Variants in CSMD1 observed in about 807,000 individuals in gnomAD.
The protein encoded by CSMD1 is CUB and Sushi multiple domains 1.
A neutral mutation model predicts 417.5 loss-of-function variants in CSMD1; 213 were observed. The observed-to-expected ratio is 0.51, with a 90% CI of 0.46 to 0.57. CSMD1 has a LOEUF of 0.57. Among genes scored for constraint, CSMD1 ranks in the 20% least tolerant of loss-of-function variants. The pLI is 0.00. For missense variants in CSMD1, 6,923 were observed against 4,529.7 expected (o/e 1.53, Z -15.17); for synonymous variants, 2,862 against 1,736.8 (o/e 1.65, Z -16.11).
intron 1 of CSMD1, among the ~76,000 whole-genome samples, chr8:4,849,137 C>G (rs74646723): frequency 6.6e-6 from 1 of 151,906 alleles, no homozygotes; most frequent in Non-Finnish European, 1.5e-5. Context: ...GGCTAATGTG[C>G]GTTTGTGTCT....
intron 1 of CSMD1, among the ~76,000 whole-genome samples, chr8:4,686,510 G>C (rs186150091): frequency 2.1e-4 from 32 of 152,182 alleles, no homozygotes; most frequent in Non-Finnish European, 4.1e-4. Flanking sequence ...CTGAAAACAC[G>C]GGAGCACAGC....
chr8:4,834,432 G>C (rs954023822), intron 1 of CSMD1, among the ~76,000 whole-genome samples: 2 of 152,282 alleles, frequency 1.3e-5, no homozygotes, highest in East Asian at 3.9e-4. Context: ...AAAAAGCAAA[G>C]AGGATTGAGT....
intron 3 of CSMD1, among the ~76,000 whole-genome samples, chr8:4,083,667 T>G (rs1800264410): frequency 6.6e-6 from 1 of 152,132 alleles, no homozygotes; most frequent in African/African-American, 2.4e-5. Flanking sequence ...GATCCCTTCC[T>G]TACACCTTAT....
intron 1 of CSMD1, among the ~76,000 whole-genome samples, chr8:4,871,638 A>G (rs1358002834): frequency 2.0e-5 from 3 of 152,148 alleles, no homozygotes; most frequent in African/African-American, 7.3e-5. Flanking sequence ...TAACCCAGAT[A>G]GCAAACAACT....
intron 54 of CSMD1, among the ~76,000 whole-genome samples, chr8:2,984,219 C>A (rs1805659510): frequency 6.6e-6 from 1 of 152,190 alleles, no homozygotes; most frequent in Non-Finnish European, 1.5e-5. Flanking sequence ...CCACGTCTGT[C>A]AAATTCTGCT....
intron 7 of CSMD1, among the ~76,000 whole-genome samples, chr8:3,699,175 G>A (rs562724107): frequency 3.3e-5 from 5 of 152,298 alleles, no homozygotes; most frequent in South Asian, 2.1e-4. Flanking sequence ...AGGAAAATTA[G>A]TACATTACAC....
At chr8:4,182,371 ATAT>A (rs1798428474) in intron 3 of CSMD1, among the ~76,000 whole-genome samples, 1 of 152,128 alleles carries the variant, frequency 6.6e-6, no homozygotes, top group Admixed American at 6.6e-5. Context: ...TACCCAAAGT[ATAT>A]TATCTTTTAA....
intron 2 of CSMD1, among the ~76,000 whole-genome samples, chr8:4,493,298 G>C (rs1028335939): frequency 1.3e-5 from 2 of 151,764 alleles, no homozygotes; most frequent in African/African-American, 4.9e-5. Flanking sequence ...AAAATCCTAA[G>C]AGAGAGAGAG....
Position 4,013,748 on chromosome 8 carries a change from T to C in CSMD1, c.611-15638A>G, listed in dbSNP as rs184403124. On this transcript the variant is annotated intron_variant, in intron 4 of 69. Transcript: ENST00000635120. The stretch of plus-strand genomic sequence containing the variant: ...TGTTGGCGAACTATAGCTTGTGGGT[T>C]ACATTCAGTCCAGTATCTGGTTTTA... Among the ~76,000 whole-genome samples the C allele has an allele frequency of 3.5e-4, 53 of 152,360 alleles. No homozygotes were observed. In the Middle Eastern group the frequency reaches 0.017, roughly 49 times the overall value.
Position 3,926,096 on chromosome 8 carries a change from C to CACACACACACACCAT in CSMD1, c.818+71806_818+71807insATGGTGTGTGTGTGT, listed in dbSNP as rs1809683477. Among the ~76,000 whole-genome samples the CACACACACACACCAT allele has an allele frequency of 3.7e-5, 3 of 81,142 alleles. 1 individual carries two copies. The highest frequency in any genetic ancestry group is 1.6e-4 in the African/African-American group (3 of 18,878). The allele number at this position is 81,142 out of a possible 152,430, so 53.2% of individuals were successfully genotyped here. A position where few individuals can be genotyped will look rare whatever the true frequency, so the allele number is the denominator to read the frequency against. The stretch of plus-strand genomic sequence containing the variant: ...CACAAACACCATACACACACACACA[C>CACACACACACACCAT]ACACACACACACACACACACACACA... On this transcript the variant is annotated intron_variant, in intron 5 of 69. Transcript: ENST00000635120.
At chr8:3,800,740 T>C (rs1800409077) in intron 5 of CSMD1, among the ~76,000 whole-genome samples, 1 of 152,048 alleles carries the variant, frequency 6.6e-6, no homozygotes. Flanking sequence ...AAAAGATTAG[T>C]TTTGTTGAGG....
At chr8:3,894,347 C>T (rs115052488) in intron 5 of CSMD1, among the ~76,000 whole-genome samples, 78 of 152,130 alleles carry the variant, frequency 5.1e-4, no homozygotes, top group African/African-American at 1.5e-3. Context: ...TTTTCTATCA[C>T]GAGGATTAAA....
At chr8:4,816,813 G>A (rs78745241) in intron 1 of CSMD1, among the ~76,000 whole-genome samples, 5 of 152,132 alleles carry the variant, frequency 3.3e-5, no homozygotes, top group Admixed American at 3.3e-4. Context: ...ATGTCACAGA[G>A]CCAGAACTGA....
chr8:4,070,768 T>G (rs1046434137), intron 3 of CSMD1, among the ~76,000 whole-genome samples: 2 of 152,218 alleles, frequency 1.3e-5, no homozygotes, highest in Non-Finnish European at 2.9e-5. Context: ...AGCCTGTCAC[T>G]GACACCCTCT....
chr8:4,436,670 C>G (rs1242570058), intron 2 of CSMD1, among the ~76,000 whole-genome samples: 3 of 152,150 alleles, frequency 2.0e-5, no homozygotes, highest in East Asian at 3.9e-4. Flanking sequence ...CCTTCCTTCA[C>G]TCCTACTACC....
At chr8:4,306,976 G>C (rs907030104) in intron 3 of CSMD1, among the ~76,000 whole-genome samples, 1 of 152,122 alleles carries the variant, frequency 6.6e-6, no homozygotes, top group Non-Finnish European at 1.5e-5. Context: ...CAGATCGACT[G>C]TCTTTTCCCA....
intron 26 of CSMD1, among the ~76,000 whole-genome samples, chr8:3,243,643 G>A: frequency 6.6e-6 from 1 of 152,038 alleles, no homozygotes; most frequent in East Asian, 1.9e-4. Flanking sequence ...GGCAGGAACT[G>A]GCCATCTGGA....
chr8:3,551,018 G>A (rs1047775762), intron 10 of CSMD1, among the ~76,000 whole-genome samples: 1 of 152,158 alleles, frequency 6.6e-6, no homozygotes, highest in Non-Finnish European at 1.5e-5. Context: ...CAATGCATTA[G>A]TCAGGATCAG....
At chr8:3,146,288 T>C (rs539965189) in intron 40 of CSMD1, among the ~76,000 whole-genome samples, 3 of 152,032 alleles carry the variant, frequency 2.0e-5, no homozygotes, top group Non-Finnish European at 4.4e-5. Context: ...CTGAGTTGGT[T>C]GAGCTCTGCC....
Sources: allele counts gnomAD v4.1 joint callset (sites outside exome capture counted in the v4.1 genomes callset), GRCh38; gene constraint gnomAD v4.1.1; transcripts MANE v1.5; gene names NCBI Gene and HGNC (gene_info 2026-07-23, HGNC 2026-07-21).